QTMAN: variants seen among roughly 807,000 people sequenced by gnomAD.
QTMAN encodes the protein queuosine-tRNA mannosyltransferase.
chr2:144,245,047 A>G, the QTMAN span, among the ~76,000 whole-genome samples: 1 of 152,176 alleles, frequency 6.6e-6, no homozygotes, highest in Non-Finnish European at 1.5e-5. Flanking sequence ...ACCCACCCCA[A>G]TAGGGTTATT....
the QTMAN span, among the ~76,000 whole-genome samples, chr2:143,962,079 A>T: frequency 6.6e-6 from 1 of 152,182 alleles, no homozygotes; most frequent in East Asian, 1.9e-4. Context: ...GGGCTGTTTC[A>T]AAAGTTCTAC....
the QTMAN span, among the ~76,000 whole-genome samples, chr2:143,995,413 ATATT>A: frequency 2.0e-5 from 3 of 152,192 alleles, 1 homozygote; most frequent in South Asian, 6.2e-4. Context: ...GAAGTACTCT[ATATT>A]ATTTGCTACT....
chr2:144,020,288 C>A, the QTMAN span, among the ~76,000 whole-genome samples: 2 of 152,096 alleles, frequency 1.3e-5, no homozygotes, highest in Admixed American at 1.3e-4. Flanking sequence ...GCCTGCCACG[C>A]CCCTATCCTG....
At chr2:144,080,448 C>T in the QTMAN span, among the ~76,000 whole-genome samples, 2 of 152,138 alleles carry the variant, frequency 1.3e-5, no homozygotes, top group East Asian at 3.8e-4. Flanking sequence ...CCATGGCTGT[C>T]TATTACCTGG....
the QTMAN span, among the ~76,000 whole-genome samples, chr2:144,328,268 A>C: frequency 6.6e-6 from 1 of 152,078 alleles, no homozygotes; most frequent in Admixed American, 6.6e-5. Flanking sequence ...TTTTTTAAAC[A>C]CTCAAAAAAA....
chr2:144,200,278 G>A, the QTMAN span, among the ~76,000 whole-genome samples: 2 of 151,996 alleles, frequency 1.3e-5, no homozygotes, highest in African/African-American at 4.8e-5. Flanking sequence ...TACCTCTTTG[G>A]GCCAAATTCT....
At chr2:143,979,652 C>A in the QTMAN span, among the ~76,000 whole-genome samples, 1 of 152,148 alleles carries the variant, frequency 6.6e-6, no homozygotes, top group Non-Finnish European at 1.5e-5. Context: ...TAAACGAGAT[C>A]AACGTCAGTC....
chr2:144,183,426 C>T, the QTMAN span, among the ~76,000 whole-genome samples: 3,340 of 152,066 alleles, frequency 0.022, 65 homozygotes, highest in East Asian at 0.079. Context: ...CACTACTATG[C>T]CATTTCTGTA....
At chr2:144,017,045 G>A in the QTMAN span, among the ~76,000 whole-genome samples, 4 of 150,926 alleles carry the variant, frequency 2.7e-5, no homozygotes, top group South Asian at 2.1e-4. Context: ...TCACTCTGTC[G>A]CCAGGCTGGA....
the QTMAN span, among the ~76,000 whole-genome samples, chr2:143,992,504 CTG>C: frequency 6.6e-6 from 1 of 150,636 alleles, no homozygotes; most frequent in Non-Finnish European, 1.5e-5. Flanking sequence ...AAATCCCCCT[CTG>C]TGAGAAACAC....
At chr2:143,998,783 T>C in the QTMAN span, among the ~76,000 whole-genome samples, 1 of 152,114 alleles carries the variant, frequency 6.6e-6, no homozygotes, top group Non-Finnish European at 1.5e-5. Flanking sequence ...TCTGTTAAAA[T>C]GCATTATTCT....
chr2:144,192,030 G>A, the QTMAN span, among the ~76,000 whole-genome samples: 1 of 152,174 alleles, frequency 6.6e-6, no homozygotes, highest in East Asian at 1.9e-4. Flanking sequence ...AGTAAAGGGT[G>A]AAAGAAATGA....
At chr2:143,974,557 T>C in the QTMAN span, among the ~76,000 whole-genome samples, 1 of 152,192 alleles carries the variant, frequency 6.6e-6, no homozygotes, top group Non-Finnish European at 1.5e-5. Flanking sequence ...AGAAATACTG[T>C]AAAGTAAAAG....
chr2:143,968,999 A>G, the QTMAN span, among the ~76,000 whole-genome samples: 1 of 152,032 alleles, frequency 6.6e-6, no homozygotes, highest in Admixed American at 6.6e-5. Context: ...TCTTTACCCA[A>G]TCTACTTTGG....
the QTMAN span, among the ~76,000 whole-genome samples, chr2:144,232,111 A>G: frequency 6.6e-6 from 1 of 152,130 alleles, no homozygotes; most frequent in African/African-American, 2.4e-5. Flanking sequence ...AAAAAAAGCC[A>G]CTTTGCAAGT....
the QTMAN span, among the ~76,000 whole-genome samples, chr2:143,981,706 C>T: frequency 5.9e-5 from 9 of 152,062 alleles, no homozygotes; most frequent in African/African-American, 2.2e-4. Context: ...AGACAGTCTC[C>T]CTTACTCAGC....
chr2:144,254,513 C>T, the QTMAN span, among the ~76,000 whole-genome samples: 4 of 152,170 alleles, frequency 2.6e-5, no homozygotes, highest in African/African-American at 9.7e-5. Flanking sequence ...CCTGGATGTC[C>T]AGGCAGAAGA....
the QTMAN span, among the ~76,000 whole-genome samples, chr2:144,235,043 G>A: frequency 6.6e-6 from 1 of 152,116 alleles, no homozygotes; most frequent in Non-Finnish European, 1.5e-5. Flanking sequence ...TTTGCTCCTC[G>A]CTGCTCGCCT....
At chr2:144,322,083 A>T in the QTMAN span, among the ~76,000 whole-genome samples, 5 of 152,254 alleles carry the variant, frequency 3.3e-5, no homozygotes, top group African/African-American at 9.6e-5. Flanking sequence ...ATGTCACAGT[A>T]GTCCACTGAT....
Sources: gnomAD v4.1 joint callset for allele counts (sites outside exome capture counted in the v4.1 genomes callset) on GRCh38, gnomAD v4.1.1 for gene constraint, MANE v1.5 for transcripts, NCBI Gene and HGNC (gene_info 2026-07-23, HGNC 2026-07-21) for gene names.